Variants in DMD observed in about 807,000 individuals in gnomAD.
DMD encodes mutant dystrophin.
In DMD, 63 loss-of-function variants were observed where a neutral mutation model predicts 330.1. The ratio of observed to expected loss-of-function variants is 0.19; its 90% CI spans 0.16 to 0.24. The LOEUF is 0.24. DMD is among the 10% of genes least tolerant of loss of function. DMD has a pLI of 1.00. For missense variants in DMD, 3,344 were observed against 2,684.1 expected (o/e 1.25, Z -5.43); for synonymous variants, 1,223 against 959.8 (o/e 1.27, Z -5.07).
intron 1 of DMD, among the ~76,000 whole-genome samples, chrX:33,271,868 C>A (rs775454250): frequency 3.4e-4 from 37 of 109,940 alleles, no homozygotes; most frequent in African/African-American, 1.2e-3. Context: ...AGTGGCAAAG[C>A]AAATGTGTGT....
In DMD at chrX:31,178,447, T is replaced by TC. The variant is rs1261779132; in HGVS notation, c.10223+221dup. 2.4e-5 allele frequency: 21 copies of TC among 865,227 alleles called. No homozygotes were observed. In the African/African-American group the frequency reaches 4.6e-4, roughly 19 times the overall value. The allele number at this position is 865,227 out of a possible 1,213,427, so 71.3% of individuals were successfully genotyped here. ...TTGTGTTGTGGTTTTTTTTTTTTTT[T>TC]CCCCCTGTGAGATAAAGTTTAACTT... is the stretch of plus-strand genomic sequence containing the variant. On this transcript the variant is annotated intron_variant, in intron 70 of 78. Coordinates refer to ENST00000357033, the MANE Select transcript of DMD (RefSeq NM_004006.3).
intron 54 of DMD, among the ~76,000 whole-genome samples, chrX:31,629,880 T>G (rs755669476): frequency 1.7e-4 from 19 of 112,274 alleles, no homozygotes; most frequent in African/African-American, 6.1e-4. Context: ...AGAAATAAGC[T>G]GTCACATTCC....
intron 20 of DMD, among the ~76,000 whole-genome samples, chrX:32,488,641 T>C (rs757683126): frequency 3.2e-4 from 36 of 111,622 alleles, no homozygotes; most frequent in Non-Finnish European, 5.8e-4. Flanking sequence ...TAAGGGGTGA[T>C]AAGGAGGTGA....
intron 1 of DMD, among the ~76,000 whole-genome samples, chrX:33,180,192 A>T (rs993959994): frequency 2.7e-5 from 3 of 112,151 alleles, no homozygotes; most frequent in African/African-American, 9.7e-5. Flanking sequence ...GACATATCAC[A>T]TGTTTAAACA....
chrX:32,839,949 T>A (rs2080013044), intron 4 of DMD, among the ~76,000 whole-genome samples: 1 of 111,455 alleles, frequency 9.0e-6, no homozygotes, highest in African/African-American at 3.3e-5. Flanking sequence ...GACATCATGA[T>A]CCACCCGCCT....
At chrX:32,503,797 G>A (rs768340412) in intron 18 of DMD, among the ~76,000 whole-genome samples, 2 of 111,383 alleles carry the variant, frequency 1.8e-5, no homozygotes, top group Admixed American at 9.5e-5. Context: ...CTCATCATCC[G>A]CCCAGCTCAG....
intron 44 of DMD, among the ~76,000 whole-genome samples, chrX:32,192,363 A>G (rs1374094453): frequency 8.9e-6 from 1 of 111,880 alleles, no homozygotes; most frequent in African/African-American, 3.2e-5. Flanking sequence ...CTAGGTTGCC[A>G]ATATGAAATG....
intron 40 of DMD, among the ~76,000 whole-genome samples, 159 bp from the exon 41 acceptor site, chrX:32,342,441 T>C (rs2097748600): frequency 8.9e-6 from 1 of 112,275 alleles, no homozygotes; most frequent in Non-Finnish European, 1.9e-5. Context: ...TCATCCTCGC[T>C]CAATAACCCA....
Position 31,177,602 on chromosome X carries a change from A to G in DMD, c.10262+330T>C, listed in dbSNP as rs761503188. On this transcript the variant is annotated intron_variant, in intron 71 of 78. Transcript: ENST00000357033. Reference sequence around the variant, plus strand: ...GCTTCTTCCTTGCTTTTATATGAAGAAATATATAAACATGTCTCCCAGGAA... The same window carrying G: ...GCTTCTTCCTTGCTTTTATATGAAGGAATATATAAACATGTCTCCCAGGAA... Among the ~76,000 whole-genome samples the G allele has an allele frequency of 2.7e-5, 3 of 111,365 alleles. No homozygotes were observed. The East Asian group carries it at 8.4e-4, about 31-fold the overall frequency.
Position 32,220,006 on chromosome X carries a change from T to C in DMD, c.6291-2943A>G, listed in dbSNP as rs375611557. Among the ~76,000 whole-genome samples the C allele has an allele frequency of 6.7e-4, 75 of 111,275 alleles. No individual in the cohort carries two copies. In the South Asian group the frequency reaches 0.024, roughly 36 times the overall value. The stretch of plus-strand genomic sequence containing the variant: ...ACATTCTCCCAAGAGAAGAAAACCG[T>C]AAGGGTTCATACACTTGCTCATGGT... On this transcript the variant is annotated intron_variant, in intron 43 of 78. Transcript: ENST00000357033.
intron 50 of DMD, among the ~76,000 whole-genome samples, chrX:31,795,964 C>A (rs1176370997): frequency 1.8e-5 from 2 of 111,594 alleles, no homozygotes; most frequent in Non-Finnish European, 1.9e-5. Context: ...TAGGGAGTTA[C>A]AAATAGTTTA....
At chrX:31,880,050 G>A (rs917558733) in intron 47 of DMD, among the ~76,000 whole-genome samples, 3 of 111,707 alleles carry the variant, frequency 2.7e-5, no homozygotes, top group African/African-American at 9.7e-5. Flanking sequence ...TTTCACACAA[G>A]ATTACTTTCC....
rs759923241 is a variant in DMD, at chrX:32,855,691, A to C, written c.94-5871T>G. On this transcript the variant is annotated intron_variant, in intron 2 of 78. Transcript: ENST00000357033. The stretch of plus-strand genomic sequence containing the variant: ...TAAGTGGAACAAAGACTTAAATCTA[A>C]GGCCTCAAACTATGAAACTACTACA... 9.8e-5 allele frequency among the ~76,000 whole-genome samples: 11 copies of C among 112,251 alleles called. No individual in the cohort carries two copies. The South Asian group carries it at 4.0e-3, about 41-fold the overall frequency.
intron 45 of DMD, among the ~76,000 whole-genome samples, chrX:31,936,823 T>C (rs894222947): frequency 2.7e-5 from 3 of 111,488 alleles, no homozygotes; most frequent in African/African-American, 6.5e-5. Flanking sequence ...TTATATAGTG[T>C]TGTTTCTAAC....
chrX:31,693,362 G>A (rs1351476563), intron 52 of DMD, among the ~76,000 whole-genome samples: 1 of 111,684 alleles, frequency 9.0e-6, no homozygotes, highest in Non-Finnish European at 1.9e-5. Context: ...AAGATCAGGA[G>A]CAAGACAAAG....
intron 1 of DMD, among the ~76,000 whole-genome samples, chrX:33,117,134 T>G (rs2148466505): frequency 9.0e-6 from 1 of 110,922 alleles, no homozygotes; most frequent in Admixed American, 9.7e-5. Context: ...TAAACTTGTT[T>G]TTCAAAAAGT....
At chrX:31,918,109 C>T (rs1332461060) in intron 47 of DMD, among the ~76,000 whole-genome samples, 1 of 112,762 alleles carries the variant, frequency 8.9e-6, no homozygotes, top group Non-Finnish European at 1.9e-5. Context: ...TACGTGATGG[C>T]ACGTGGATCT....
intron 1 of DMD, among the ~76,000 whole-genome samples, chrX:33,322,690 A>T (rs1255225516): frequency 8.9e-6 from 1 of 111,899 alleles, no homozygotes; most frequent in Non-Finnish European, 1.9e-5. Flanking sequence ...ACAGTGAGTC[A>T]AGAAAGAAGA....
chrX:32,062,352 A>T (rs1359614755), intron 44 of DMD, among the ~76,000 whole-genome samples: 1 of 111,437 alleles, frequency 9.0e-6, no homozygotes, highest in Admixed American at 9.6e-5. Context: ...ATATTAACCT[A>T]GAAATATGTT....
Sources: gnomAD v4.1 joint callset for allele counts (sites outside exome capture counted in the v4.1 genomes callset) on GRCh38, gnomAD v4.1.1 for gene constraint, MANE v1.5 for transcripts, NCBI Gene and HGNC (gene_info 2026-07-23, HGNC 2026-07-21) for gene names.